CTDSPL: variants seen among roughly 807,000 people sequenced by gnomAD.
CTDSPL encodes CTD small phosphatase like.
A neutral mutation model predicts 30.5 loss-of-function variants in CTDSPL; 8 were observed. That is an observed-to-expected ratio of 0.26 (90% CI 0.15 to 0.47). The LOEUF (loss-of-function observed/expected upper bound fraction) is 0.47, where lower values mean the gene tolerates loss of function less well. CTDSPL is among the 20% of genes least tolerant of loss of function. CTDSPL has a pLI of 0.99. For synonymous variants in CTDSPL, 110 were observed against 137.9 expected, an observed-to-expected ratio of 0.80 and a Z score of 1.42; for missense variants, 248 against 366.1, an observed-to-expected ratio of 0.68 and a Z score of 2.63.
At chr3:37,942,239 C>A (rs556348815) in intron 1 of CTDSPL, among the ~76,000 whole-genome samples, 1 of 150,484 alleles carries the variant, frequency 6.6e-6, no homozygotes, top group East Asian at 1.9e-4. Context: ...TGTCAGATAG[C>A]AGAGAAAAAA....
chr3:37,891,684 A>G (rs1698327614), intron 1 of CTDSPL, among the ~76,000 whole-genome samples: 1 of 152,142 alleles, frequency 6.6e-6, no homozygotes, highest in South Asian at 2.1e-4. Flanking sequence ...CTTTCTTAAA[A>G]TGTGTTTGTT....
chr3:37,945,506 G>GT (rs1699025282), intron 1 of CTDSPL, among the ~76,000 whole-genome samples: 1 of 152,222 alleles, frequency 6.6e-6, no homozygotes, highest in African/African-American at 2.4e-5. Context: ...GGACCTACAG[G>GT]GTTGGCCCTT....
intron 1 of CTDSPL, among the ~76,000 whole-genome samples, chr3:37,866,162 A>G (rs1698007100): frequency 6.6e-6 from 1 of 152,258 alleles, no homozygotes; most frequent in African/African-American, 2.4e-5. Flanking sequence ...CAGTAGGTGA[A>G]TGGTTAGGCT....
intron 1 of CTDSPL, among the ~76,000 whole-genome samples, chr3:37,899,525 C>T (rs1237531563): frequency 6.6e-6 from 1 of 152,212 alleles, no homozygotes; most frequent in East Asian, 1.9e-4. Context: ...AATCAGGCTG[C>T]TTCCTCTAGA....
chr3:37,884,030 A>C (rs1698237451), intron 1 of CTDSPL, among the ~76,000 whole-genome samples: 1 of 152,246 alleles, frequency 6.6e-6, no homozygotes, highest in Admixed American at 6.5e-5. Flanking sequence ...TAGGAGTCCA[A>C]GTTATACAAC....
intron 1 of CTDSPL, among the ~76,000 whole-genome samples, chr3:37,938,966 A>C (rs769623693): frequency 8.7e-5 from 13 of 150,004 alleles, no homozygotes; most frequent in Non-Finnish European, 1.5e-4. Flanking sequence ...TTTAGTTTCT[A>C]TCATCATTAC....
At chr3:37,977,198 A>T (rs111271505) in intron 7 of CTDSPL, among the ~76,000 whole-genome samples, 1 of 152,218 alleles carries the variant, frequency 6.6e-6, no homozygotes, top group Admixed American at 6.5e-5. Context: ...TTTTTAATAT[A>T]ATCACAAGTC....
chr3:37,918,604 C>T (rs934219500), intron 1 of CTDSPL, among the ~76,000 whole-genome samples: 1 of 152,184 alleles, frequency 6.6e-6, no homozygotes, highest in Non-Finnish European at 1.5e-5. Context: ...TCTTCCATTA[C>T]ATGTTCTCTT....
chr3:37,970,272 G>C (rs1699352061), intron 5 of CTDSPL, among the ~76,000 whole-genome samples: 1 of 152,118 alleles, frequency 6.6e-6, no homozygotes, highest in South Asian at 2.1e-4. Flanking sequence ...CCCTCCCCTT[G>C]TGAGGGGAGT....
chr3:37,968,151 C>A, intron 5 of CTDSPL: 1 of 447,902 alleles, frequency 2.2e-6, no homozygotes, highest in South Asian at 2.2e-5. Flanking sequence ...TTCCGTATCC[C>A]CCACTGGCCT....
At position 37,921,968 on chromosome 3, in the gene CTDSPL, T is replaced by C. The variant is rs542492977; in HGVS notation, c.80-25089T>C. ...CCCACATAGGGCCAGGCGCGGTGGCTCACGCCTCTCATCCCAGCACTTTGG... is the reference window on the plus strand; with the variant it reads ...CCCACATAGGGCCAGGCGCGGTGGCCCACGCCTCTCATCCCAGCACTTTGG... On this transcript the variant is annotated intron_variant, in intron 1 of 7. Transcript: ENST00000273179. Among the ~76,000 whole-genome samples, 4 of 152,214 alleles carry C rather than the reference T, an allele frequency of 2.6e-5. No homozygotes were observed. The East Asian group carries it at 7.8e-4, about 29-fold the overall frequency.
intron 1 of CTDSPL, among the ~76,000 whole-genome samples, chr3:37,897,526 A>T (rs1448174919): frequency 2.0e-5 from 3 of 152,182 alleles, no homozygotes; most frequent in African/African-American, 7.2e-5. Flanking sequence ...CTCTTACTGT[A>T]TGAGTTTTTA....
At chr3:37,903,638 G>A (rs1698477768) in intron 1 of CTDSPL, among the ~76,000 whole-genome samples, 1 of 152,162 alleles carries the variant, frequency 6.6e-6, no homozygotes, top group African/African-American at 2.4e-5. Flanking sequence ...AACATGTCCA[G>A]GCAGACAGTC....
chr3:37,877,105 CA>C (rs35298466), intron 1 of CTDSPL, among the ~76,000 whole-genome samples: 9,199 of 84,554 alleles, frequency 0.11, 264 homozygotes, highest in Non-Finnish European at 0.11. Flanking sequence ...GACTCTGTCT[CA>C]AAAAAAAAAA....
chr3:37,936,638 G>A (rs1346238742), intron 1 of CTDSPL, among the ~76,000 whole-genome samples: 3 of 127,912 alleles, frequency 2.3e-5, no homozygotes, highest in African/African-American at 9.3e-5. Flanking sequence ...TTCAGAAAGA[G>A]TTCCTCCTCT....
chr3:37,902,715 G>A (rs1276884232), intron 1 of CTDSPL, among the ~76,000 whole-genome samples: 5 of 152,082 alleles, frequency 3.3e-5, no homozygotes. Context: ...AACATCTTGG[G>A]TGGGTCAGTG....
At chr3:37,894,506 G>A (rs1260482882) in intron 1 of CTDSPL, among the ~76,000 whole-genome samples, 1 of 152,022 alleles carries the variant, frequency 6.6e-6, no homozygotes, top group African/African-American at 2.4e-5. Flanking sequence ...TTTATGTAAT[G>A]TATAATTTTC....
intron 1 of CTDSPL, among the ~76,000 whole-genome samples, chr3:37,932,299 G>A (rs563028420): frequency 6.6e-6 from 1 of 152,270 alleles, no homozygotes; most frequent in South Asian, 2.1e-4. Context: ...GTATTAGAAT[G>A]AGAAGGAACC....
At chr3:37,976,660 T>G (rs915893290) in intron 7 of CTDSPL, among the ~76,000 whole-genome samples, 2 of 151,446 alleles carry the variant, frequency 1.3e-5, no homozygotes, top group African/African-American at 4.9e-5. Context: ...ATAAAACACT[T>G]CAATAAGGTC....
Sources: gnomAD v4.1 joint callset for allele counts (sites outside exome capture counted in the v4.1 genomes callset) on GRCh38, gnomAD v4.1.1 for gene constraint, MANE v1.5 for transcripts, NCBI Gene and HGNC (gene_info 2026-07-23, HGNC 2026-07-21) for gene names.